PHC3: variants seen among roughly 807,000 people sequenced by gnomAD.
The protein encoded by PHC3 is polyhomeotic-like protein 3.
Under a neutral mutation model 107.4 loss-of-function variants are expected in PHC3, and 13 were observed. That is an observed-to-expected ratio of 0.12 (90% confidence interval 0.08 to 0.19). The LOEUF is 0.19. PHC3 is among the 10% of genes least tolerant of loss of function. PHC3 has a pLI of 1.00. For synonymous variants in PHC3, 456 were observed against 427.4 expected, an observed-to-expected ratio of 1.07 and a Z score of -0.83; for missense variants, 992 against 1,210.9, an observed-to-expected ratio of 0.82 and a Z score of 2.68.
chr3:170,171,904 C>G (rs1729656396), intron 3 of PHC3, among the ~76,000 whole-genome samples: 1 of 152,168 alleles, frequency 6.6e-6, no homozygotes, highest in African/African-American at 2.4e-5. Context: ...CAATTGAGAT[C>G]CTCCTCTGGT....
chr3:170,098,713 C>A (rs981870391), intron 14 of PHC3, among the ~76,000 whole-genome samples: 1 of 151,860 alleles, frequency 6.6e-6, no homozygotes, highest in African/African-American at 2.4e-5. Context: ...TTGCTTATTT[C>A]TTTTCTCACG....
At chr3:170,138,085 C>T (rs1476500334) in intron 6 of PHC3, among the ~76,000 whole-genome samples, 2 of 152,120 alleles carry the variant, frequency 1.3e-5, no homozygotes, top group South Asian at 2.1e-4. Flanking sequence ...ATCCCAGCTA[C>T]TCGGGAGGCT....
intron 6 of PHC3, among the ~76,000 whole-genome samples, chr3:170,138,689 C>CAAAAAAAAAAA (rs11284597): frequency 2.5e-5 from 2 of 81,302 alleles, no homozygotes; most frequent in African/African-American, 4.6e-5. Context: ...GACTCTGTCT[C>CAAAAAAAAAAA]AAAAAAAAAA....
rs552608182 is a variant in PHC3, at chr3:170,142,214, C to A, written c.672+3209G>T. On this transcript the variant is annotated intron_variant, in intron 6 of 14. Coordinates refer to ENST00000495893, the MANE Select transcript of PHC3 (RefSeq NM_024947.4). ...TTTTAATTTATTAACATATTTAATC[C>A]TCATAGCAACCTTTTGAAATATATT... 7.2e-5 allele frequency among the ~76,000 whole-genome samples: 11 copies of A among 151,932 alleles called. No individual in the cohort carries two copies. In the South Asian group the frequency reaches 2.3e-3, roughly 32 times the overall value.
At chr3:170,163,630 A>C (rs1030218080) in intron 4 of PHC3, among the ~76,000 whole-genome samples, 3 of 152,072 alleles carry the variant, frequency 2.0e-5, no homozygotes, top group Admixed American at 6.6e-5. Flanking sequence ...CAGGAGGCCG[A>C]AGCAGGCTGA....
chr3:170,167,741 C>T (rs1450919497), intron 4 of PHC3, among the ~76,000 whole-genome samples: 2 of 135,268 alleles, frequency 1.5e-5, no homozygotes. Context: ...GCCTGGGCGA[C>T]AGAGCAAGGC....
intron 10 of PHC3, among the ~76,000 whole-genome samples, chr3:170,113,927 GT>G (rs961623019): frequency 1.2e-4 from 18 of 149,150 alleles, no homozygotes; most frequent in Non-Finnish European, 1.8e-4. Context: ...TAAGAGTTGG[GT>G]TTTTTTTTTA....
chr3:170,172,463 G>A (rs2108755574), intron 3 of PHC3, 94 bp downstream of exon 3: 4 of 1,369,510 alleles, frequency 2.9e-6, no homozygotes, highest in East Asian at 4.8e-5. Context: ...CAGGACATCT[G>A]AGAACTCTGA....
intron 7 of PHC3, 74 bp from the exon 8 acceptor site, chr3:170,129,626 A>G: frequency 7.4e-7 from 1 of 1,350,204 alleles, no homozygotes; most frequent in East Asian, 2.3e-5. Context: ...TAAAGGAAAA[A>G]GTGTTCATTA....
At chr3:170,156,800 T>C (rs949480699) in intron 4 of PHC3, among the ~76,000 whole-genome samples, 4 of 151,660 alleles carry the variant, frequency 2.6e-5, no homozygotes, top group African/African-American at 4.9e-5. Flanking sequence ...TTTCACCATG[T>C]TGGTCAGGCT....
At chr3:170,126,941 T>C (rs1001802101) in intron 8 of PHC3, among the ~76,000 whole-genome samples, 4 of 152,114 alleles carry the variant, frequency 2.6e-5, no homozygotes, top group Admixed American at 1.3e-4. Flanking sequence ...TTTGTTTTTA[T>C]TTTTAAATTG....
chr3:170,099,305 T>C (rs1487082802), intron 14 of PHC3, among the ~76,000 whole-genome samples: 3 of 152,192 alleles, frequency 2.0e-5, no homozygotes, highest in Non-Finnish European at 2.9e-5. Context: ...CACGATCAAA[T>C]AGGAATGCAT....
At chr3:170,152,337 A>ATTTTTTTTTTTTT (rs1220193435) in intron 4 of PHC3, among the ~76,000 whole-genome samples, 4 of 122,162 alleles carry the variant, frequency 3.3e-5, no homozygotes, top group African/African-American at 9.3e-5. Flanking sequence ...CGCCTGGCTA[A>ATTTTTTTTTTTTT]TTTTTTTTTT....
intron 10 of PHC3, among the ~76,000 whole-genome samples, chr3:170,116,517 A>T (rs190055966): frequency 6.6e-6 from 1 of 152,166 alleles, no homozygotes; most frequent in African/African-American, 2.4e-5. Context: ...CAGTGAGCTG[A>T]AACAGTGCCA....
At chr3:170,126,528 A>ATT (rs1553788612) in intron 8 of PHC3, among the ~76,000 whole-genome samples, 3,267 of 90,474 alleles carry the variant, frequency 0.036, 107 homozygotes, top group East Asian at 0.093. Flanking sequence ...ATATATATAT[A>ATT]TTTTTTTTTT....
Position 170,128,916 on chromosome 3 carries a change from G to A in PHC3, c.1556C>T (p.Thr519Ile), listed in dbSNP as rs377206293. ...TGGTGGAATCTGAGCTGGAGGAGATGTCGACATCTGTGGAGGACTTGCAAT... is the reference window on the plus strand; with the variant it reads ...TGGTGGAATCTGAGCTGGAGGAGATATCGACATCTGTGGAGGACTTGCAAT... ...IPIASPPQMS[T>I]SPPAQIPPLP... Residue 519 changes from threonine (T) to isoleucine (I), a missense_variant, in exon 8 of 15, where the codon ACA becomes ATA. Coordinates refer to ENST00000495893, the MANE Select transcript of PHC3 (RefSeq NM_024947.4). 21 of 1,613,894 alleles carry A rather than the reference G, an allele frequency of 1.3e-5. No homozygotes were observed. The African/African-American group carries it at 1.5e-4, about 11-fold the overall frequency.
intron 6 of PHC3, 61 bp downstream of exon 6, chr3:170,145,362 C>G: frequency 7.1e-7 from 1 of 1,414,336 alleles, no homozygotes; most frequent in Admixed American, 1.9e-5. Context: ...AAATGCAATG[C>G]TTAACTTTAA....
chr3:170,107,918 A>G (rs1716879564), intron 11 of PHC3, among the ~76,000 whole-genome samples: 1 of 152,188 alleles, frequency 6.6e-6, no homozygotes, highest in Non-Finnish European at 1.5e-5. Context: ...TCTCATCTGT[A>G]AAATGGGGTT....
intron 6 of PHC3, among the ~76,000 whole-genome samples, chr3:170,139,231 TCTC>T (rs1271711002): frequency 6.6e-6 from 1 of 152,198 alleles, no homozygotes; most frequent in African/African-American, 2.4e-5. Context: ...GATGAGGTAT[TCTC>T]CTATATATGA....
Sources: gnomAD v4.1 joint callset for allele counts (sites outside exome capture counted in the v4.1 genomes callset) on GRCh38, gnomAD v4.1.1 for gene constraint, MANE v1.5 for transcripts, NCBI Gene and HGNC (gene_info 2026-07-23, HGNC 2026-07-21) for gene names.